The following PAPLN variants were observed in gnomAD, a reference collection of about 807,000 sequenced individuals.
The protein encoded by PAPLN is papilin.
Under a neutral mutation model 159.0 loss-of-function variants are expected in PAPLN, and 146 were observed. That is an observed-to-expected ratio of 0.92 (90% confidence interval 0.80 to 1.05). PAPLN has a LOEUF of 1.05. Among genes scored for constraint, PAPLN ranks in the 50% least tolerant of loss-of-function variants. The probability of loss-of-function intolerance (pLI) is 0.00; values close to 1 mark genes in which losing one functional copy is unlikely to be tolerated. For missense variants in PAPLN, 1,720 were observed against 1,743.9 expected, an observed-to-expected ratio of 0.99 and a Z score of 0.24; for synonymous variants, 734 against 702.9, an observed-to-expected ratio of 1.04 and a Z score of -0.70.
In PAPLN at chr14:73,265,303, G is replaced by A; in HGVS notation, c.3126-67G>A. On this transcript the variant is annotated intron_variant, in intron 22 of 26. Coordinates refer to ENST00000644200, the MANE Select transcript of PAPLN (RefSeq NM_001365906.3). This position sits in a 1 kb window ranked among gnomAD's most constrained non-coding sequence, Gnocchi z 4.1. ...GAAGGGGCCACCAGGCTTGTGCAGAGGTGCCCATGGGAGTAGGCGGGGGCA... is the reference window on the plus strand; with the variant it reads ...GAAGGGGCCACCAGGCTTGTGCAGAAGTGCCCATGGGAGTAGGCGGGGGCA... The A allele has an allele frequency of 6.4e-7, 1 of 1,569,752 alleles. No individual in the cohort carries two copies. The highest frequency in any genetic ancestry group is 1.7e-5 in the Admixed American group (1 of 57,620).
chr14:73,257,920 C>T (rs892768791), intron 14 of PAPLN, among the ~76,000 whole-genome samples: 2 of 151,974 alleles, frequency 1.3e-5, no homozygotes, highest in East Asian at 1.9e-4. Context: ...TGTGCTACTG[C>T]GCCCAGCTAA....
intron 26 of PAPLN, among the ~76,000 whole-genome samples, chr14:73,269,114 C>G (rs1887476761): frequency 6.6e-6 from 1 of 152,180 alleles, no homozygotes; most frequent in Non-Finnish European, 1.5e-5. Context: ...CCACTCTAAA[C>G]CACTAAAATC....
Position 73,264,221 on chromosome 14 carries a change from C to T in PAPLN, c.2872C>T (p.Gln958Ter). 2 of 1,613,772 alleles carry T rather than the reference C, an allele frequency of 1.2e-6. No individual in the cohort carries two copies. Among genetic ancestry groups the T allele is most frequent in the Non-Finnish European group, 1.7e-6 (2 of 1,179,974 alleles). Residue 958 changes from glutamine to a stop codon, truncating the protein, a stop_gained, in exon 21 of 27, where the codon CAG (glutamine) becomes TAG (stop). Coordinates refer to ENST00000644200, the MANE Select transcript of PAPLN (RefSeq NM_001365906.3). LOFTEE classifies it high-confidence loss of function. ...CACCACCCCACTCAGGCACAGGCTGCAGTTCGACGGATCCCTGATCATCCA... is the reference window on the plus strand; with the variant it reads ...CACCACCCCACTCAGGCACAGGCTGTAGTTCGACGGATCCCTGATCATCCA... Reference protein sequence around the residue: ...QPISSDRHRLQFDGSLIIHPL... With the variant: ...QPISSDRHRL
intron 2 of PAPLN, 79 bp downstream of exon 2, chr14:73,239,911 G>C: frequency 1.4e-6 from 2 of 1,478,040 alleles, no homozygotes; most frequent in Non-Finnish European, 1.8e-6. Flanking sequence ...CGCAGGCAAC[G>C]TCCCCAGGAA....
chr14:73,251,913 G>T (rs1885315428), intron 9 of PAPLN, 77 bp downstream of exon 9: 16 of 1,545,748 alleles, frequency 1.0e-5, no homozygotes, highest in East Asian at 2.3e-5. Flanking sequence ...TGTACATGGG[G>T]GGTTGAGTGG....
intron 1 of PAPLN, 176 bp from the exon 2 acceptor site, chr14:73,239,597 G>A (rs1883311898): frequency 1.4e-5 from 18 of 1,277,794 alleles, no homozygotes; most frequent in Admixed American, 3.6e-5. Context: ...TGAGCCGCCC[G>A]GCGGGGCGCC....
chr14:73,258,539 T>C (rs1886178129), intron 14 of PAPLN, among the ~76,000 whole-genome samples: 1 of 148,104 alleles, frequency 6.8e-6, no homozygotes, highest in African/African-American at 2.5e-5. Flanking sequence ...ATCCCAGCAT[T>C]TTGGGAGGCT....
At position 73,265,101 on chromosome 14, in the gene PAPLN, T is replaced by TG. The variant is rs1407801197; in HGVS notation, c.3126-263dup. On this transcript the variant is annotated intron_variant, in intron 22 of 26. Coordinates refer to ENST00000644200, the MANE Select transcript of PAPLN (RefSeq NM_001365906.3). The surrounding 1 kb of genome is among the most constrained non-coding windows in gnomAD (Gnocchi z 4.1). ...AAGACCTAGTGGCAAATGTGCAGGG[T>TG]GGGGGGTGACAGATGGGGATCCTGG... is the stretch of plus-strand genomic sequence containing the variant. Among the ~76,000 whole-genome samples the TG allele has an allele frequency of 2.4e-5, 3 of 122,660 alleles. No individual in the cohort carries two copies. The highest frequency in any genetic ancestry group is 3.4e-5 in the Non-Finnish European group (2 of 58,550). 80.5% of individuals were successfully genotyped at this position (122,660 alleles called of 152,430 possible).
intron 16 of PAPLN, 98 bp from the exon 17 acceptor site, chr14:73,260,611 G>A (rs1245802487): frequency 7.5e-7 from 1 of 1,340,118 alleles, no homozygotes; most frequent in East Asian, 2.8e-5. Context: ...TCCCCACCCT[G>A]TCAGCCCCCA....
Position 73,253,950 on chromosome 14 carries a change from C to T in PAPLN, c.1291C>T (p.Pro431Ser), listed in dbSNP as rs780025930. Residue 431 changes from proline (P) to serine (S), a missense_variant, in exon 12 of 27, where the codon CCC (proline) becomes TCC (serine). Coordinates refer to ENST00000644200, the MANE Select transcript of PAPLN (RefSeq NM_001365906.3). ...GCGCTGTGCAGCCTGGAGCCCGGAG[C>T]CCTGGGGAGAGGTCAGGCCCCTGGC... ...LQRCAAWSPE[P>S]WGECSVSCGV... The T allele has an allele frequency of 5.6e-6, 9 of 1,610,872 alleles. No individual in the cohort carries two copies. In the East Asian group the frequency reaches 1.1e-4, roughly 20 times the overall value.
At chr14:73,250,841 G>C in intron 6 of PAPLN, 66 bp from the exon 7 acceptor site, 1 of 1,517,264 alleles carries the variant, frequency 6.6e-7, no homozygotes, top group Non-Finnish European at 8.8e-7. Flanking sequence ...GTTAGGATGC[G>C]ACGGGGCCCA....
chr14:73,257,803 G>A (rs972008654), intron 14 of PAPLN, among the ~76,000 whole-genome samples: 36 of 118,928 alleles, frequency 3.0e-4, no homozygotes, highest in Admixed American at 1.6e-3. Flanking sequence ...TCGCTCTGTC[G>A]CCCAGTTTGG....
At chr14:73,264,862 A>T in intron 22 of PAPLN, 136 bp downstream of exon 22, 3 of 1,398,674 alleles carry the variant, frequency 2.1e-6, no homozygotes, top group Non-Finnish European at 2.9e-6. Context: ...GGCCAGGCCT[A>T]GAAAAACAGG....
In PAPLN at chr14:73,266,738, CAG is replaced by C; in HGVS notation, c.3408_3409del (p.Gly1137ThrfsTer11). The C allele has an allele frequency of 6.2e-7, 1 of 1,614,060 alleles. No homozygotes were observed. The highest frequency in any genetic ancestry group is 1.1e-5 in the South Asian group (1 of 91,072). ...TTGTGCCCAGGGGAGCTGACAATCT[CAG>C]GACTGCCCCCTACTGTGACAGTGCC... On this transcript the variant is annotated frameshift_variant, in exon 25 of 27. Coordinates refer to ENST00000644200, the MANE Select transcript of PAPLN (RefSeq NM_001365906.3). LOFTEE classifies it high-confidence loss of function.
At chr14:73,244,136 T>A (rs2091912) in intron 2 of PAPLN, 8,756 of 156,904 alleles carry the variant, frequency 0.056, 335 homozygotes, top group Non-Finnish European at 0.088. Flanking sequence ...GTATTTTTTT[T>A]TTAAATTTTG....
chr14:73,270,071 CTTTT>C (rs1887569852), intron 26 of PAPLN, among the ~76,000 whole-genome samples: 1 of 152,224 alleles, frequency 6.6e-6, no homozygotes, highest in Admixed American at 6.5e-5. Flanking sequence ...TGTCCAGCGG[CTTTT>C]TTCTCACCTG....
intron 14 of PAPLN, 147 bp downstream of exon 14, chr14:73,255,165 C>A: frequency 8.1e-7 from 1 of 1,228,794 alleles, no homozygotes. Flanking sequence ...CCCCGCTGAA[C>A]CCTTTGCCAT....
At chr14:73,244,400 C>T (rs747368202) in intron 2 of PAPLN, 7 of 444,642 alleles carry the variant, frequency 1.6e-5, no homozygotes, top group Non-Finnish European at 2.4e-5. Flanking sequence ...CTCTTCCCAG[C>T]TGCTCCTGCT....
chr14:73,250,965 G>C lies in PAPLN; in HGVS notation c.524G>C (p.Cys175Ser). The C allele has an allele frequency of 6.2e-7, 1 of 1,613,844 alleles. No homozygotes were observed. The highest frequency in any genetic ancestry group is 2.2e-5 in the East Asian group (1 of 44,876). ...AAGCAGGAGGACAAGTGTCTGCGGT[G>C]TGGGGGTGACGGCACGACCTGCTAC... ...SSKQEDKCLR[C>S]GGDGTTCYPV... The change falls in exon 7 of 27, where the codon TGT becomes TCT. Residue 175 changes from cysteine (C) to serine (S), a missense_variant. Transcript: ENST00000644200.
Sources: allele counts gnomAD v4.1 joint callset (sites outside exome capture counted in the v4.1 genomes callset), GRCh38; gene constraint gnomAD v4.1.1; non-coding constraint Gnocchi (gnomAD v3.1); transcripts MANE v1.5; gene names NCBI Gene and HGNC (gene_info 2026-07-23, HGNC 2026-07-21).